TRAPPC9: variants seen among roughly 807,000 people sequenced by gnomAD.
The protein encoded by TRAPPC9 is IKK2 binding protein.
In TRAPPC9, 83 loss-of-function variants were observed where a neutral mutation model predicts 124.0. The observed-to-expected ratio is 0.67, with a 90% CI of 0.56 to 0.80. The LOEUF is 0.80. TRAPPC9 is among the 30% of genes least tolerant of loss of function. The probability of loss-of-function intolerance (pLI) is 0.00; values close to 1 mark genes in which losing one functional copy is unlikely to be tolerated. For synonymous variants in TRAPPC9, 638 were observed against 617.5 expected (o/e 1.03, Z -0.49); for missense variants, 1,302 against 1,508.3 (o/e 0.86, Z 2.27).
intron 17 of TRAPPC9, among the ~76,000 whole-genome samples, chr8:140,054,822 A>C (rs928105243): frequency 3.3e-5 from 5 of 152,136 alleles, no homozygotes; most frequent in African/African-American, 1.2e-4. Flanking sequence ...TAAAAAAAAA[A>C]CACAAAACCT....
At chr8:139,813,907 G>A (rs1340359185) in intron 21 of TRAPPC9, among the ~76,000 whole-genome samples, 1 of 152,070 alleles carries the variant, frequency 6.6e-6, no homozygotes, top group Non-Finnish European at 1.5e-5. Flanking sequence ...CGTGGGGGCA[G>A]AGGGCTGCAG....
In TRAPPC9 at chr8:140,235,873, T is replaced by C. The variant is rs184680147; in HGVS notation, c.2432-14290A>G. Among the ~76,000 whole-genome samples, 19 of 152,206 alleles carry C rather than the reference T, an allele frequency of 1.2e-4. No homozygotes were observed. In the East Asian group the frequency reaches 2.1e-3, roughly 17 times the overall value. ...CATCACAAGTATAATGAATAAACTG[T>C]AGTATTTTCACGCAATACCATCCAG... On this transcript the variant is annotated intron_variant, in intron 16 of 22. Coordinates refer to ENST00000438773, the MANE Select transcript of TRAPPC9 (RefSeq NM_001160372.4).
intron 21 of TRAPPC9, among the ~76,000 whole-genome samples, chr8:139,829,238 C>A (rs560683265): frequency 6.6e-6 from 1 of 152,254 alleles, no homozygotes; most frequent in Non-Finnish European, 1.5e-5. Context: ...CTTCGCTCTA[C>A]GAACCAATCC....
chr8:140,125,584 A>ATTTT (rs1442863537), intron 17 of TRAPPC9, among the ~76,000 whole-genome samples: 30 of 108,256 alleles, frequency 2.8e-4, no homozygotes, highest in African/African-American at 9.7e-4. Context: ...ATCGAATCTC[A>ATTTT]TTCTTTTTTT....
At position 140,360,047 on chromosome 8, in the gene TRAPPC9, C is replaced by G. The variant is rs1388466227; in HGVS notation, c.1495+3G>C. On this transcript the variant is annotated splice_donor_region_variant and intron_variant, in intron 9 of 22. Transcript: ENST00000438773. ...AAAAACATTGTGGTTTGAGCTCACT[C>G]ACCCTGATCCGACAAGAAGTCCAGC... The G allele has an allele frequency of 1.9e-6, 3 of 1,613,980 alleles. No homozygotes were observed. The highest frequency in any genetic ancestry group is 1.3e-5 in the African/African-American group (1 of 74,926).
At chr8:140,344,756 G>A (rs893685711) in intron 9 of TRAPPC9, among the ~76,000 whole-genome samples, 2 of 152,278 alleles carry the variant, frequency 1.3e-5, no homozygotes, top group African/African-American at 4.8e-5. Flanking sequence ...ACTGGAGAGA[G>A]GTGAGCAAGG....
chr8:139,893,253 C>T (rs1366987769), intron 20 of TRAPPC9, among the ~76,000 whole-genome samples: 1 of 152,212 alleles, frequency 6.6e-6, no homozygotes, highest in East Asian at 1.9e-4. Flanking sequence ...AGATCCACAT[C>T]CTCACGGCGT....
intron 21 of TRAPPC9, among the ~76,000 whole-genome samples, chr8:139,838,924 G>T (rs1826543125): frequency 6.6e-6 from 1 of 152,170 alleles, no homozygotes; most frequent in African/African-American, 2.4e-5. Flanking sequence ...GAGGATCCAG[G>T]TCAGCTGATG....
chr8:139,756,843 C>T (rs1366971360), intron 21 of TRAPPC9, among the ~76,000 whole-genome samples: 3 of 128,860 alleles, frequency 2.3e-5, no homozygotes, highest in South Asian at 2.6e-4. Context: ...GACAGCATGT[C>T]GCAGGAGGAG....
At chr8:140,444,263 T>C (rs1276248893) in intron 2 of TRAPPC9, among the ~76,000 whole-genome samples, 3 of 150,490 alleles carry the variant, frequency 2.0e-5, no homozygotes, top group Non-Finnish European at 3.0e-5. Flanking sequence ...ACAATGTTCA[T>C]AAGAGGGTTT....
intron 19 of TRAPPC9, among the ~76,000 whole-genome samples, chr8:139,911,578 A>G (rs1587182857): frequency 1.3e-5 from 2 of 152,000 alleles, no homozygotes; most frequent in East Asian, 3.9e-4. Flanking sequence ...GGTGATACAC[A>G]CCTGTAGTCC....
chr8:139,795,768 G>A (rs1823014091), intron 21 of TRAPPC9, among the ~76,000 whole-genome samples: 1 of 152,134 alleles, frequency 6.6e-6, no homozygotes. Context: ...GTGAGGGGTG[G>A]GAGGCGGACC....
chr8:140,325,965 C>T (rs1049986125), intron 9 of TRAPPC9, among the ~76,000 whole-genome samples: 7 of 151,986 alleles, frequency 4.6e-5, no homozygotes, highest in African/African-American at 7.3e-5. Flanking sequence ...AAGAGTACAC[C>T]GAAGCCTTTT....
intron 19 of TRAPPC9, among the ~76,000 whole-genome samples, chr8:139,967,413 T>C (rs1835772843): frequency 6.6e-6 from 1 of 152,232 alleles, no homozygotes; most frequent in Non-Finnish European, 1.5e-5. Context: ...GAATAACTTA[T>C]CCTGCACAGA....
At chr8:139,861,129 C>T (rs1002308527) in intron 21 of TRAPPC9, among the ~76,000 whole-genome samples, 8 of 152,220 alleles carry the variant, frequency 5.3e-5, no homozygotes, top group Admixed American at 2.0e-4. Flanking sequence ...AAATAGCACT[C>T]GAACATAAAT....
chr8:140,411,597 T>TAGCC (rs1394996869), intron 5 of TRAPPC9, among the ~76,000 whole-genome samples: 1 of 152,128 alleles, frequency 6.6e-6, no homozygotes, highest in Non-Finnish European at 1.5e-5. Context: ...CTGCCTCAAA[T>TAGCC]TCCCAAAGTG....
At chr8:139,800,432 T>C (rs1442707610) in intron 21 of TRAPPC9, among the ~76,000 whole-genome samples, 1 of 152,116 alleles carries the variant, frequency 6.6e-6, no homozygotes, top group East Asian at 1.9e-4. Context: ...AAGAGCAGGG[T>C]TTCTGGTGGG....
At chr8:140,217,066 C>T (rs2063213035) in intron 17 of TRAPPC9, among the ~76,000 whole-genome samples, 1 of 152,196 alleles carries the variant, frequency 6.6e-6, no homozygotes, top group African/African-American at 2.4e-5. Flanking sequence ...AAATCCATCA[C>T]TGTGTCCCAA....
intron 20 of TRAPPC9, among the ~76,000 whole-genome samples, chr8:139,898,506 C>T (rs1830808164): frequency 6.6e-6 from 1 of 152,214 alleles, no homozygotes; most frequent in South Asian, 2.1e-4. Flanking sequence ...CGAATGTCCA[C>T]CCACACAAGC....
Sources: allele counts gnomAD v4.1 joint callset (sites outside exome capture counted in the v4.1 genomes callset), GRCh38; gene constraint gnomAD v4.1.1; transcripts MANE v1.5; gene names NCBI Gene and HGNC (gene_info 2026-07-23, HGNC 2026-07-21).